POLRMT: variants seen among roughly 807,000 people sequenced by gnomAD.
POLRMT encodes the protein RNA polymerase mitochondrial.
Under a neutral mutation model 132.2 loss-of-function variants are expected in POLRMT, and 114 were observed. The observed-to-expected ratio is 0.86, with a 90% CI of 0.74 to 1.01. POLRMT has a LOEUF of 1.01. Ranked by LOEUF, POLRMT falls within the 50% of genes least tolerant of loss-of-function variation. The pLI is 0.00. For synonymous variants in POLRMT, 1,020 were observed against 773.4 expected, an observed-to-expected ratio of 1.32 and a Z score of -5.29; for missense variants, 2,003 against 1,729.1, an observed-to-expected ratio of 1.16 and a Z score of -2.81.
chr19:617,721 G>A (rs377402063), intron 18 of POLRMT, 56 bp downstream of exon 18: 134 of 1,610,514 alleles, frequency 8.3e-5, no homozygotes, highest in African/African-American at 1.9e-4. Context: ...CCTACCCAAC[G>A]CCCCAGTGTG....
chr19:629,670 T>C lies in POLRMT; in HGVS notation c.692A>G (p.Lys231Arg), dbSNP rs1194572073. 1.2e-6 allele frequency: 2 copies of C among 1,610,170 alleles called. No individual in the cohort carries two copies. The highest frequency in any genetic ancestry group is 1.3e-5 in the African/African-American group (1 of 74,950). Residue 231 changes from lysine (K) to arginine (R), a missense_variant, in exon 3 of 21, where the codon AAG becomes AGG. Lys to Arg is a conservative substitution (Grantham distance 26). Coordinates refer to ENST00000588649, the MANE Select transcript of POLRMT (RefSeq NM_005035.4). Reference sequence around the variant, plus strand: ...CAGCTGGTCAGTGAGCAGGCAGCACTTGAAGAAGGCCAGGAGCCTCTGCTG... The same window carrying C: ...CAGCTGGTCAGTGAGCAGGCAGCACCTGAAGAAGGCCAGGAGCCTCTGCTG... ...GQQQRLLAFF[K>R]CCLLTDQLPL...
At chr19:627,924 C>CAAAAA (rs35674455) in intron 3 of POLRMT, among the ~76,000 whole-genome samples, 12 of 101,818 alleles carry the variant, frequency 1.2e-4, no homozygotes, top group South Asian at 6.5e-4. Flanking sequence ...GAGTCTATCT[C>CAAAAA]AAAAAAAAAA....
chr19:618,382 G>A (rs1264566189), intron 17 of POLRMT, 106 bp downstream of exon 17: 2 of 855,548 alleles, frequency 2.3e-6, no homozygotes, highest in Non-Finnish European at 3.6e-6. Flanking sequence ...GATCCACTCT[G>A]CCCAGTCCCT....
chr19:622,271 T>A lies in POLRMT; in HGVS notation c.1729A>T (p.Lys577Ter), dbSNP rs1984672484. The A allele has an allele frequency of 6.4e-7, 1 of 1,562,562 alleles. No homozygotes were observed. Among genetic ancestry groups the A allele is most frequent in the Admixed American group, 1.9e-5 (1 of 53,696 alleles). ...TGCACCAGCATCTCCGCCAGCAGCT[T>A]GCCCAGCTCCATCTGCACTGGCAGG... ...WPLPVQMELGKLLAEMLVQAT... is the reference protein window; with the variant it reads ...WPLPVQMELG Residue 577 changes from lysine (K) to a stop codon, truncating the protein, a stop_gained, in exon 9 of 21, where the codon AAG (lysine) becomes TAG (stop). Transcript: ENST00000588649. LOFTEE classifies it high-confidence loss of function.
intron 8 of POLRMT, 73 bp from the exon 9 acceptor site, chr19:622,446 G>T: frequency 6.8e-7 from 1 of 1,462,448 alleles, no homozygotes; most frequent in Non-Finnish European, 9.1e-7. Context: ...CGTGCCTGAC[G>T]CCCGGTGGGG....
Position 621,232 on chromosome 19 carries a change from C to T in POLRMT, c.2466G>A (p.Arg822=). Residue 822 remains arginine, a synonymous_variant, in exon 10 of 21, where the codon CGG becomes CGA. Transcript: ENST00000588649. ...HFNHLGSDVA[R]ALLEFAQGRP... ...GGCCCTGGGCGAACTCCAGCAGGGC[C>T]CGCGCCACGTCGCTGCCCAGGTGGT... The T allele has an allele frequency of 6.2e-7, 1 of 1,609,182 alleles. No homozygotes were observed. The highest frequency in any genetic ancestry group is 1.7e-5 in the Admixed American group (1 of 59,826).
chr19:620,375 G>C lies in POLRMT; in HGVS notation c.2753C>G (p.Pro918Arg). The C allele has an allele frequency of 6.3e-7, 1 of 1,577,798 alleles. No individual in the cohort carries two copies. ...ACCCAGCTGGCTCACCTGATGGACG[G>C]GGAGGTGGGAGACATAGGCGGCAGG... The part of the protein sequence containing the change: ...SDPAAYVSHL[P>R]VHQDGSCNGL... Residue 918 changes from proline to arginine, a missense_variant, in exon 11 of 21, where the codon CCC (proline) becomes CGC (arginine). By Grantham distance (103) the Pro-to-Arg change is moderately radical (BLOSUM62 -2). Coordinates refer to ENST00000588649, the MANE Select transcript of POLRMT (RefSeq NM_005035.4).
chr19:627,959 C>T (rs573866049), intron 3 of POLRMT, among the ~76,000 whole-genome samples: 1 of 150,408 alleles, frequency 6.6e-6, no homozygotes, highest in Non-Finnish European at 1.5e-5. Context: ...GAAGCAATGC[C>T]TTAGCCTGGC....
intron 12 of POLRMT, 39 bp downstream of exon 12, chr19:619,919 C>A: frequency 1.9e-6 from 3 of 1,598,800 alleles, no homozygotes; most frequent in Non-Finnish European, 2.5e-6. Flanking sequence ...CACATTGCCC[C>A]CACGCCGAGA....
chr19:632,262 C>T (rs1052171936), intron 2 of POLRMT, among the ~76,000 whole-genome samples: 4 of 152,220 alleles, frequency 2.6e-5, no homozygotes, highest in African/African-American at 9.6e-5. Context: ...AAAGGTTCTC[C>T]CGCCTCTCCC....
chr19:624,282 G>T (rs1256461712), intron 5 of POLRMT, among the ~76,000 whole-genome samples: 2 of 152,106 alleles, frequency 1.3e-5, no homozygotes, highest in African/African-American at 2.4e-5. Flanking sequence ...AGATGGGGAG[G>T]GGATGGGGAG....
In POLRMT at chr19:617,520, T is replaced by A. The variant is rs199608915; in HGVS notation, c.3582-40A>T. 2.4e-5 allele frequency: 39 copies of A among 1,607,628 alleles called. No homozygotes were observed. The Admixed American group carries it at 5.2e-4, about 21-fold the overall frequency. ...AGGGTGGGGTGAGGCTGAGGCCAGG[T>A]TTTGGGGTGGGGGGGGAATCCAGGT... On this transcript the variant is annotated intron_variant, in intron 19 of 20. Transcript: ENST00000588649.
chr19:618,582 GCTTT>G lies in POLRMT; in HGVS notation c.3324_3327del (p.Lys1109ProfsTer23), dbSNP rs1343981751. The stretch of plus-strand genomic sequence containing the variant: ...CCGTTCTTCTGCTTACGTGTGTTGG[GCTTT>G]CTGAGGACGGAACAGGTGCCGGTGG... On this transcript the variant is annotated frameshift_variant and splice_region_variant, in exon 17 of 21. Transcript: ENST00000588649. LOFTEE classifies it high-confidence loss of function. 9.3e-6 allele frequency: 15 copies of G among 1,612,180 alleles called. No homozygotes were observed. Among genetic ancestry groups the G allele is most frequent in the Non-Finnish European group, 1.3e-5 (15 of 1,178,706 alleles).
intron 3 of POLRMT, among the ~76,000 whole-genome samples, chr19:627,313 G>A (rs538912358): frequency 2.1e-4 from 32 of 151,850 alleles, no homozygotes; most frequent in South Asian, 1.7e-3. Context: ...CACCACACCC[G>A]GCTAATTTTT....
chr19:624,739 G>A lies in POLRMT; in HGVS notation c.1120C>T (p.Leu374Phe). Residue 374 changes from leucine to phenylalanine, a missense_variant, in exon 5 of 21, where the codon CTC becomes TTC. Transcript: ENST00000588649. Reference sequence around the variant, plus strand: ...CTCACCTTGGCATACACGTCCCTGAGCAGCTTGGAGGTGTTGACCGGGGGC... The same window carrying A: ...CTCACCTTGGCATACACGTCCCTGAACAGCTTGGAGGTGTTGACCGGGGGC... ...LPPPVNTSKL[L>F]RDVYAKDGRV... 1 of 1,613,776 alleles carries A rather than the reference G, an allele frequency of 6.2e-7. No homozygotes were observed. Among genetic ancestry groups the A allele is most frequent in the Non-Finnish European group, 8.5e-7 (1 of 1,179,948 alleles).
At chr19:620,101 G>A (rs1309044040) in intron 11 of POLRMT, 21 bp from the exon 12 acceptor site, 2 of 1,535,668 alleles carry the variant, frequency 1.3e-6, no homozygotes, top group Non-Finnish European at 1.7e-6. Flanking sequence ...GGCGGCAAAC[G>A]GGAGATGGAA....
chr19:624,015 C>T (rs895301216), intron 5 of POLRMT, among the ~76,000 whole-genome samples: 3 of 152,250 alleles, frequency 2.0e-5, no homozygotes, highest in African/African-American at 7.2e-5. Context: ...GACGCACGTC[C>T]ACATAAAAGC....
At position 619,186 on chromosome 19, in the gene POLRMT, G is replaced by C. The variant is rs144793429; in HGVS notation, c.3153+24C>G. 7 of 1,609,744 alleles carry C rather than the reference G, an allele frequency of 4.3e-6. No individual in the cohort carries two copies. In the Admixed American group the frequency reaches 5.0e-5, roughly 12 times the overall value. Reference sequence around the variant, plus strand: ...TCCACTTGCTTAGGGAGTCCTGGCCGAGCGGGGACAGGACAGGACGTACCT... The same window carrying C: ...TCCACTTGCTTAGGGAGTCCTGGCCCAGCGGGGACAGGACAGGACGTACCT... On this transcript the variant is annotated intron_variant, in intron 14 of 20. Transcript: ENST00000588649.
Position 618,686 on chromosome 19 carries a change from G to A in POLRMT, c.3323+19C>T, listed in dbSNP as rs765823204. The A allele has an allele frequency of 3.8e-6, 6 of 1,599,286 alleles. No homozygotes were observed. The highest frequency in any genetic ancestry group is 3.3e-5 in the South Asian group (3 of 90,244). ...TCTCCAGACCCCCGGCCAGGCCCCA[G>A]CCCGGGCCCCCCACTCACCGGCTGA... On this transcript the variant is annotated intron_variant, in intron 16 of 20. Coordinates refer to ENST00000588649, the MANE Select transcript of POLRMT (RefSeq NM_005035.4).
Sources: allele counts gnomAD v4.1 joint callset (sites outside exome capture counted in the v4.1 genomes callset), GRCh38; gene constraint gnomAD v4.1.1; transcripts MANE v1.5; gene names NCBI Gene and HGNC (gene_info 2026-07-23, HGNC 2026-07-21).